Variants in CD163L1 observed in about 807,000 individuals in gnomAD.
CD163L1 encodes CD163 molecule like 1.
In CD163L1, 124 loss-of-function variants were observed where a neutral mutation model predicts 165.4. That is an observed-to-expected ratio of 0.75 (90% CI 0.65 to 0.87). CD163L1 has a LOEUF of 0.87. CD163L1 is among the 40% of genes least tolerant of loss of function. CD163L1 has a pLI of 0.00. For missense variants in CD163L1, 1,525 were observed against 1,799.9 expected (o/e 0.85, Z 2.76); for synonymous variants, 585 against 662.2 (o/e 0.88, Z 1.79).
At chr12:7,366,940 C>T (rs1209608219) in intron 18 of CD163L1, among the ~76,000 whole-genome samples, 1 of 152,006 alleles carries the variant, frequency 6.6e-6, no homozygotes, top group Admixed American at 6.6e-5. Context: ...AACTGTGGAC[C>T]AGGTATTTGA....
At chr12:7,443,823 C>G (rs1948858666) in intron 1 of CD163L1, among the ~76,000 whole-genome samples, 1 of 152,168 alleles carries the variant, frequency 6.6e-6, no homozygotes, top group Non-Finnish European at 1.5e-5. Context: ...TCTATTTCCA[C>G]AACTTCATAT....
At chr12:7,352,845 G>T (rs1946716799), downstream of CD163L1, among the ~76,000 whole-genome samples, 1 of 152,044 alleles carries the variant, frequency 6.6e-6, no homozygotes, top group Non-Finnish European at 1.5e-5. Context: ...GGGGAAGAGA[G>T]ATTAGAAACC....
the CD163L1 span, among the ~76,000 whole-genome samples, chr12:7,327,553 C>A: frequency 6.6e-6 from 1 of 152,150 alleles, no homozygotes; most frequent in Non-Finnish European, 1.5e-5. Flanking sequence ...CTGAAACCTT[C>A]TTCAAAGAAG....
intron 1 of CD163L1, among the ~76,000 whole-genome samples, chr12:7,442,670 G>A (rs1054634954): frequency 3.3e-5 from 5 of 151,966 alleles, no homozygotes; most frequent in African/African-American, 1.2e-4. Flanking sequence ...ACTTTAAGTT[G>A]GTCTTCTTTT....
intron 8 of CD163L1, among the ~76,000 whole-genome samples, chr12:7,389,451 C>G (rs754355271): frequency 4.0e-5 from 6 of 151,820 alleles, no homozygotes; most frequent in Admixed American, 6.6e-5. Context: ...TTTCTGGGAT[C>G]TAAAAATCAA....
At chr12:7,350,594 C>T (rs73270592), downstream of CD163L1, among the ~76,000 whole-genome samples, 4,573 of 152,208 alleles carry the variant, frequency 0.03, 239 homozygotes, top group African/African-American at 0.1. Context: ...TACAGTTACT[C>T]TATTAGTAAT....
intron 8 of CD163L1, among the ~76,000 whole-genome samples, chr12:7,384,561 C>T (rs537326172): frequency 1.3e-5 from 2 of 152,014 alleles, no homozygotes; most frequent in Non-Finnish European, 2.9e-5. Flanking sequence ...GATGGCCACT[C>T]ATGTGTGCAA....
chr12:7,384,486 A>G (rs1485933836), intron 8 of CD163L1, among the ~76,000 whole-genome samples: 1 of 152,140 alleles, frequency 6.6e-6, no homozygotes, highest in Non-Finnish European at 1.5e-5. Flanking sequence ...TGTATTCTCC[A>G]AGGCACATTA....
rs1318439410 is a variant in CD163L1 at position 7,374,501 on chromosome 12, G to C, written c.3350C>G (p.Ser1117Cys). 1.9e-6 allele frequency: 3 copies of C among 1,614,092 alleles called. No homozygotes were observed. The highest frequency in any genetic ancestry group is 2.5e-6 in the Non-Finnish European group (3 of 1,180,052). The change falls in exon 13 of 20, where the codon TCC (serine) becomes TGC (cysteine). Residue 1117 changes from serine to cysteine, a missense_variant. Transcript: ENST00000313599. This position sits in a 1 kb window ranked among gnomAD's most constrained non-coding sequence, Gnocchi z 5.4. ...GCAGTCGTGCTGCCCCCAGCCGCGG[G>C]AAGGGCACTGCCACAAGTGGGACTC... is the stretch of plus-strand genomic sequence containing the variant. Reference protein sequence around the residue: ...GMESHLWQCPSRGWGQHDCRH... With the variant: ...GMESHLWQCPCRGWGQHDCRH...
At position 7,374,606 on chromosome 12, in the gene CD163L1, G is replaced by T; in HGVS notation, c.3245C>A (p.Ala1082Asp). Residue 1082 changes from alanine (A) to aspartate (D), a missense_variant, in exon 13 of 20, where the codon GCC (alanine) becomes GAC (aspartate). By Grantham distance (126) the Ala-to-Asp change is moderately radical (BLOSUM62 -2). Transcript: ENST00000313599. The surrounding 1 kb of genome is among the most constrained non-coding windows in gnomAD (Gnocchi z 5.4). ...VVCQKLGCGV[A>D]FNATVSAHFG... is the part of the protein sequence containing the mutation. ...GTGAGCAGAGACCGTGGCATTGAAGGCCACTCCACAGCCCAGCTTTTGACA... is the reference window on the plus strand; with the variant it reads ...GTGAGCAGAGACCGTGGCATTGAAGTCCACTCCACAGCCCAGCTTTTGACA... 6.2e-7 allele frequency: 1 copy of T among 1,614,200 alleles called. No homozygotes were observed. Among genetic ancestry groups the T allele is most frequent in the Non-Finnish European group, 8.5e-7 (1 of 1,180,036 alleles).
At chr12:7,367,206 A>G (rs1165505486) in intron 18 of CD163L1, 30 bp downstream of exon 18, 1 of 1,397,996 alleles carries the variant, frequency 7.2e-7, no homozygotes, top group Non-Finnish European at 1.0e-6. Flanking sequence ...CACCCTCTCC[A>G]TGGAGTGCGG....
intron 8 of CD163L1, 42 bp downstream of exon 8, chr12:7,396,053 C>A: frequency 6.6e-7 from 1 of 1,518,480 alleles, no homozygotes; most frequent in South Asian, 1.3e-5. Flanking sequence ...TTAGAGAACC[C>A]AGGCAGTTTC....
intron 4 of CD163L1, among the ~76,000 whole-genome samples, chr12:7,412,311 T>C (rs1048560608): frequency 3.3e-5 from 5 of 152,146 alleles, no homozygotes; most frequent in Admixed American, 6.5e-5. Flanking sequence ...TAGAGTAAAA[T>C]AGACTCCCAG....
At chr12:7,336,596 C>G in the CD163L1 span, among the ~76,000 whole-genome samples, 1 of 151,992 alleles carries the variant, frequency 6.6e-6, no homozygotes, top group African/African-American at 2.4e-5. Flanking sequence ...CAATGTGGCA[C>G]ATGTATACAT....
At chr12:7,397,810 T>C (rs1319060162) in intron 7 of CD163L1, among the ~76,000 whole-genome samples, 1 of 152,150 alleles carries the variant, frequency 6.6e-6, no homozygotes, top group African/African-American at 2.4e-5. Context: ...GAAATCAGAA[T>C]ATATGTGGGA....
At chr12:7,320,617 C>T in the CD163L1 span, 255 of 861,644 alleles carry the variant, frequency 3.0e-4, 3 homozygotes, top group East Asian at 4.6e-3. Flanking sequence ...GTAGTGACCA[C>T]GGGATGGGCA....
chr12:7,373,315 C>T lies in CD163L1; in HGVS notation c.3730+5G>A. On this transcript the variant is annotated splice_donor_5th_base_variant and intron_variant, in intron 14 of 19. Coordinates refer to ENST00000313599, the MANE Select transcript of CD163L1 (RefSeq NM_174941.6). ...GTGACAGCTGGTGTTTAGAAAGATA[C>T]CCACCTTCACATGTGATCCAGGTCT... 6.3e-7 allele frequency: 1 copy of T among 1,593,088 alleles called. No homozygotes were observed. The highest frequency in any genetic ancestry group is 8.6e-7 in the Non-Finnish European group (1 of 1,167,270).
At chr12:7,337,960 A>G in the CD163L1 span, among the ~76,000 whole-genome samples, 1 of 152,226 alleles carries the variant, frequency 6.6e-6, no homozygotes, top group Non-Finnish European at 1.5e-5. Context: ...CGTGGCACAT[A>G]TACACCATGG....
rs888121192 is a variant in CD163L1, at chr12:7,398,028, G to A, written c.1729+236C>T. Among the ~76,000 whole-genome samples, 1 of 152,164 alleles carries A rather than the reference G, an allele frequency of 6.6e-6. No homozygotes were observed. Among genetic ancestry groups the A allele is most frequent in the African/African-American group, 2.4e-5 (1 of 41,438 alleles). ...GAAGTTAAAAGGCCAAACTGCTTCT[G>A]TATATGGTAGGGGAAGGGATCCAAA... On this transcript the variant is annotated intron_variant, in intron 7 of 19. Transcript: ENST00000313599. This position sits in a 1 kb window ranked among gnomAD's most constrained non-coding sequence, Gnocchi z 4.5.
Sources: allele counts gnomAD v4.1 joint callset (sites outside exome capture counted in the v4.1 genomes callset), GRCh38; gene constraint gnomAD v4.1.1; non-coding constraint Gnocchi (gnomAD v3.1); transcripts MANE v1.5; gene names NCBI Gene and HGNC (gene_info 2026-07-23, HGNC 2026-07-21).